Variants in TAF1A observed in about 807,000 individuals in gnomAD.
TAF1A encodes TATA-box binding protein associated factor, RNA polymerase I subunit A.
Under a neutral mutation model 61.6 loss-of-function variants are expected in TAF1A, and 42 were observed. That is an observed-to-expected ratio of 0.68 (90% CI 0.53 to 0.88). The LOEUF (loss-of-function observed/expected upper bound fraction) is 0.88. Ranked by LOEUF, TAF1A falls within the 40% of genes least tolerant of loss-of-function variation. TAF1A has a pLI of 0.00. For missense variants in TAF1A, 424 were observed against 518.7 expected (o/e 0.82, Z 1.77); for synonymous variants, 179 against 177.7 (o/e 1.01, Z -0.06).
At chr1:222,580,133 TAGAC>T (rs1170789552) in intron 3 of TAF1A, among the ~76,000 whole-genome samples, 1 of 152,194 alleles carries the variant, frequency 6.6e-6, no homozygotes, top group Non-Finnish European at 1.5e-5. Flanking sequence ...TTAAAGAAAG[TAGAC>T]AGTTAAGATA....
chr1:222,572,469 C>T (rs1163892794), intron 5 of TAF1A, among the ~76,000 whole-genome samples: 1 of 152,118 alleles, frequency 6.6e-6, no homozygotes, highest in East Asian at 1.9e-4. Context: ...GTGAACCTCT[C>T]ACCTCAGCCA....
intron 7 of TAF1A, 49 bp downstream of exon 7, chr1:222,569,461 T>C: frequency 6.2e-7 from 1 of 1,613,336 alleles, no homozygotes; most frequent in Non-Finnish European, 8.5e-7. Context: ...AAGAATGTTT[T>C]AATGTAGATT....
chr1:222,579,037 C>T lies in TAF1A; in HGVS notation c.405+722G>A, dbSNP rs533275703. 1.1e-4 allele frequency among the ~76,000 whole-genome samples: 16 copies of T among 152,242 alleles called. No individual in the cohort carries two copies. In the South Asian group the frequency reaches 2.1e-3, roughly 20 times the overall value. On this transcript the variant is annotated intron_variant, in intron 4 of 10. Coordinates refer to ENST00000352967, the MANE Select transcript of TAF1A (RefSeq NM_005681.4). ...TCCAGTTTAGACCTGAAAAAAGAGA[C>T]GCAGAGCACACATCAGGGTAGGCCA...
At chr1:222,577,727 T>C (rs764498096) in intron 4 of TAF1A, 84 bp from the exon 5 acceptor site, 16 of 1,239,976 alleles carry the variant, frequency 1.3e-5, no homozygotes, top group East Asian at 2.3e-5. Context: ...TAATACATGC[T>C]GGGCAAAGAC....
At chr1:222,569,351 T>G in intron 7 of TAF1A, 159 bp downstream of exon 7, 3 of 1,539,040 alleles carry the variant, frequency 1.9e-6, no homozygotes, top group East Asian at 2.4e-5. Context: ...GATACATACA[T>G]GGAGATGGCA....
intron 3 of TAF1A, among the ~76,000 whole-genome samples, chr1:222,583,614 C>T (rs1274294409): frequency 5.9e-5 from 9 of 151,836 alleles, no homozygotes; most frequent in South Asian, 2.1e-4. Context: ...CCGAGGCAGG[C>T]GGATCACGAG....
intron 5 of TAF1A, among the ~76,000 whole-genome samples, chr1:222,573,396 T>C (rs1660439806): frequency 6.6e-6 from 1 of 152,192 alleles, no homozygotes; most frequent in Non-Finnish European, 1.5e-5. Context: ...TAAGTACTCT[T>C]ACAAAACTCA....
chr1:222,581,390 T>C (rs767558768), intron 3 of TAF1A, among the ~76,000 whole-genome samples: 6 of 152,198 alleles, frequency 3.9e-5, no homozygotes, highest in Non-Finnish European at 8.8e-5. Context: ...CTCTAGAAGA[T>C]AACTAATTGA....
chr1:222,587,810 G>A (rs1394561722), intron 2 of TAF1A, among the ~76,000 whole-genome samples: 1 of 152,076 alleles, frequency 6.6e-6, no homozygotes, highest in Admixed American at 6.5e-5. Flanking sequence ...CCACCACTTT[G>A]GGAGGCTGAG....
chr1:222,566,620 G>A (rs576321469), intron 7 of TAF1A, among the ~76,000 whole-genome samples: 3 of 152,170 alleles, frequency 2.0e-5, no homozygotes, highest in East Asian at 3.9e-4. Context: ...TTCACAATAC[G>A]GTCCGGGCTC....
intron 5 of TAF1A, 127 bp downstream of exon 5, chr1:222,577,317 TA>T (rs1328029057): frequency 1.4e-6 from 1 of 699,152 alleles, no homozygotes; most frequent in East Asian, 2.7e-5. Context: ...TCAAGAATTT[TA>T]AATCCATAAA....
chr1:222,568,834 C>T (rs1344427540), intron 7 of TAF1A: 1 of 152,094 alleles, frequency 6.6e-6, no homozygotes, highest in Non-Finnish European at 1.5e-5. Context: ...TCACAATAGC[C>T]AAAAAGTAAA....
chr1:222,567,692 A>C (rs1660170748), intron 7 of TAF1A, among the ~76,000 whole-genome samples: 1 of 152,226 alleles, frequency 6.6e-6, no homozygotes, highest in Non-Finnish European at 1.5e-5. Flanking sequence ...AAATCTCAGC[A>C]AGACCTTTTT....
chr1:222,578,991 C>A (rs1660682580), intron 4 of TAF1A, among the ~76,000 whole-genome samples: 1 of 152,204 alleles, frequency 6.6e-6, no homozygotes, highest in Non-Finnish European at 1.5e-5. Flanking sequence ...TCTTCACACT[C>A]CCTCCCTAAT....
At chr1:222,575,250 G>A (rs1249534390) in intron 5 of TAF1A, among the ~76,000 whole-genome samples, 1 of 152,102 alleles carries the variant, frequency 6.6e-6, no homozygotes, top group African/African-American at 2.4e-5. Flanking sequence ...GCTGGGCATG[G>A]TGGTTCACGC....
At chr1:222,562,343 T>A (rs1261395810) in intron 9 of TAF1A, among the ~76,000 whole-genome samples, 2 of 152,194 alleles carry the variant, frequency 1.3e-5, no homozygotes, top group Admixed American at 6.5e-5. Context: ...GTGCCCCCTA[T>A]GGTAGAACAA....
At chr1:222,563,364 A>G in intron 8 of TAF1A, 68 bp from the exon 9 acceptor site, 2 of 1,507,770 alleles carry the variant, frequency 1.3e-6, no homozygotes, top group Non-Finnish European at 9.0e-7. Context: ...ATTTACATGT[A>G]TACATTTTAT....
At position 222,589,882 on chromosome 1, in the gene TAF1A, A is replaced by G. The variant is rs1432794974; in HGVS notation, c.-158T>C. 2.5e-6 allele frequency: 1 copy of G among 396,096 alleles called. No homozygotes were observed. The highest frequency in any genetic ancestry group is 2.1e-5 in the African/African-American group (1 of 48,520). The allele number at this position is 396,096 out of a possible 1,614,324, so 24.5% of individuals were successfully genotyped here. A position where few individuals can be genotyped will look rare whatever the true frequency, so the allele number is the denominator to read the frequency against. On this transcript the variant is annotated 5_prime_UTR_variant, in exon 1 of 11. Transcript: ENST00000352967. ...TAGGCAGCGCGCGGCCCGGCTCGTAACTCCTCCTGCTGCAGCAGGCGTATC... is the reference window on the plus strand; with the variant it reads ...TAGGCAGCGCGCGGCCCGGCTCGTAGCTCCTCCTGCTGCAGCAGGCGTATC...
chr1:222,557,166 A>G (rs1410904750), downstream of TAF1A, among the ~76,000 whole-genome samples: 1 of 152,242 alleles, frequency 6.6e-6, no homozygotes, highest in Non-Finnish European at 1.5e-5. Flanking sequence ...TCTAAATATT[A>G]GACTTGCTCT....
Sources: gnomAD v4.1 joint callset for allele counts (sites outside exome capture counted in the v4.1 genomes callset) on GRCh38, gnomAD v4.1.1 for gene constraint, MANE v1.5 for transcripts, NCBI Gene and HGNC (gene_info 2026-07-23, HGNC 2026-07-21) for gene names.